Variants in AKTIP observed in about 807,000 individuals in gnomAD.
AKTIP encodes AKT-interacting protein.
AKTIP carries 16 observed loss-of-function variants against 39.1 expected under a neutral mutation model. The ratio of observed to expected loss-of-function variants is 0.41; its 90% CI spans 0.28 to 0.62. AKTIP has a LOEUF of 0.62. Among genes scored for constraint, AKTIP ranks in the 20% least tolerant of loss-of-function variants. AKTIP has a pLI of 0.32. For synonymous variants in AKTIP, 93 were observed against 124.3 expected, an observed-to-expected ratio of 0.75 and a Z score of 1.67; for missense variants, 262 against 356.6, an observed-to-expected ratio of 0.73 and a Z score of 2.14.
At chr16:53,503,717 C>A (rs1384848506), upstream of AKTIP, among the ~76,000 whole-genome samples, 1 of 152,206 alleles carries the variant, frequency 6.6e-6, no homozygotes, top group Non-Finnish European at 1.5e-5. Context: ...CCAGTGGCTC[C>A]CATCGCTAGG....
intron 3 of AKTIP, among the ~76,000 whole-genome samples, chr16:53,497,519 A>G (rs1297448986): frequency 6.6e-6 from 1 of 152,174 alleles, no homozygotes; most frequent in African/African-American, 2.4e-5. Context: ...AGTTCCTTCA[A>G]CTGTGGATCC....
At position 53,491,233 on chromosome 16, in the gene AKTIP, T is replaced by TTATC. The variant is rs1961428673; in HGVS notation, c.*1175_*1178dup. ...TATGACCTCTTCCTTTAGGAGGGAG[T>TTATC]TATCTAAAAGAAATGTCTATTAAGG... is the stretch of plus-strand genomic sequence containing the variant. On this transcript the variant is annotated 3_prime_UTR_variant, in exon 10 of 10. Transcript: ENST00000394657. The TTATC allele has an allele frequency of 6.6e-6, 1 of 152,120 alleles. No homozygotes were observed. The highest frequency in any genetic ancestry group is 6.5e-5 in the Admixed American group (1 of 15,268). The allele number at this position is 152,120 out of a possible 1,614,324, so 9.4% of individuals were successfully genotyped here.
At chr16:53,494,712 T>C in intron 5 of AKTIP, 107 bp from the exon 6 acceptor site, 1 of 1,136,150 alleles carries the variant, frequency 8.8e-7, no homozygotes, top group African/African-American at 1.6e-5. Flanking sequence ...GTCACGTTAT[T>C]TAAAGCTAAA....
upstream of AKTIP, chr16:53,503,257 C>G (rs1962297508): frequency 2.7e-5 from 1 of 37,248 alleles, no homozygotes; most frequent in Admixed American, 2.3e-4. Flanking sequence ...CCGCCCCACC[C>G]CGCCCTGCCC....
chr16:53,495,200 G>T, intron 4 of AKTIP, 27 bp from the exon 5 acceptor site: 2 of 1,612,394 alleles, frequency 1.2e-6, no homozygotes, highest in African/African-American at 1.3e-5. Flanking sequence ...AAGAGTTAAG[G>T]CCTAAATTTG....
At chr16:53,492,841 T>A in intron 8 of AKTIP, 88 bp from the exon 9 acceptor site, 1 of 1,088,520 alleles carries the variant, frequency 9.2e-7, no homozygotes, top group Non-Finnish European at 1.4e-6. Context: ...CCAATTCCCC[T>A]AACTTAATAA....
chr16:53,492,872 T>C (rs752581934), intron 8 of AKTIP, 119 bp from the exon 9 acceptor site: 3 of 797,016 alleles, frequency 3.8e-6, no homozygotes, highest in Non-Finnish European at 6.2e-6. Context: ...TTTTTATTGT[T>C]GTCGACATGT....
At chr16:53,500,931 A>C (rs1294253495) in intron 1 of AKTIP, among the ~76,000 whole-genome samples, 1 of 152,204 alleles carries the variant, frequency 6.6e-6, no homozygotes, top group African/African-American at 2.4e-5. Context: ...TGGTGCCAGA[A>C]ATTCAGAAGA....
chr16:53,498,436 G>A lies in AKTIP; in HGVS notation c.203C>T (p.Ala68Val), dbSNP rs778254783. 8.1e-6 allele frequency: 13 copies of A among 1,613,794 alleles called. No homozygotes were observed. Among genetic ancestry groups the A allele is most frequent in the South Asian group, 2.2e-5 (2 of 91,064 alleles). ...PAAQSTNGTH[A>V]SYGPFYLEYS... ...TTCCAGGTAGAAGGGTCCATAGGAC[G>A]CATGCGTGCCATTTGTTGACTGTGC... Residue 68 changes from alanine to valine, a missense_variant, in exon 3 of 10, where the codon GCG (alanine) becomes GTG (valine). Coordinates refer to ENST00000394657, the MANE Select transcript of AKTIP (RefSeq NM_022476.4).
intron 8 of AKTIP, chr16:53,493,521 G>A (rs1961629293): frequency 1.3e-5 from 2 of 153,700 alleles, no homozygotes; most frequent in Non-Finnish European, 2.9e-5. Context: ...TGGTCAGGCT[G>A]GTCTTGAACT....
chr16:53,494,010 T>A (rs951339860), intron 8 of AKTIP, 128 bp downstream of exon 8: 1 of 688,886 alleles, frequency 1.5e-6, no homozygotes, highest in Admixed American at 2.8e-5. Context: ...GGCACCAAGT[T>A]ATAAAGGTTG....
chr16:53,493,121 G>A (rs903635235), intron 8 of AKTIP: 8 of 202,506 alleles, frequency 4.0e-5, no homozygotes, highest in Non-Finnish European at 8.2e-5. Context: ...CCAGGCTGGA[G>A]TGCAGTGGTG....
chr16:53,494,678 TAA>T, intron 5 of AKTIP, 73 bp from the exon 6 acceptor site: 1 of 1,415,222 alleles, frequency 7.1e-7, no homozygotes, highest in East Asian at 2.4e-5. Flanking sequence ...GGAATCGTGA[TAA>T]AAAGAGCTTC....
chr16:53,491,714 T>G lies in AKTIP; in HGVS notation c.*698A>C, dbSNP rs1331741255. 6.5e-6 allele frequency: 1 copy of G among 152,682 alleles called. No individual in the cohort carries two copies. The highest frequency in any genetic ancestry group is 2.4e-5 in the African/African-American group (1 of 41,476). 9.5% of individuals were successfully genotyped at this position (152,682 alleles called of 1,614,324 possible). A position where few individuals can be genotyped will look rare whatever the true frequency, so the allele number is the denominator to read the frequency against. On this transcript the variant is annotated 3_prime_UTR_variant, in exon 10 of 10. Coordinates refer to ENST00000394657, the MANE Select transcript of AKTIP (RefSeq NM_022476.4). Reference sequence around the variant, plus strand: ...ATAAATGGCAAAGAACAATCATTTATTGGTTTATTTTGTCTCTACTAAACA... The same window carrying G: ...ATAAATGGCAAAGAACAATCATTTAGTGGTTTATTTTGTCTCTACTAAACA...
At position 53,492,259 on chromosome 16, in the gene AKTIP, C is replaced by T. The variant is rs1047086788; in HGVS notation, c.*153G>A. The stretch of plus-strand genomic sequence containing the variant: ...CATTACTTAGAGACAGGTTTCCAAA[C>T]CCTGCTGTTAGAACCTATGCATACA... On this transcript the variant is annotated 3_prime_UTR_variant, in exon 10 of 10. Coordinates refer to ENST00000394657, the MANE Select transcript of AKTIP (RefSeq NM_022476.4). 9.3e-6 allele frequency: 6 copies of T among 644,444 alleles called. No homozygotes were observed. Among genetic ancestry groups the T allele is most frequent in the Non-Finnish European group, 1.3e-5 (5 of 376,848 alleles). 39.9% of individuals were successfully genotyped at this position (644,444 alleles called of 1,614,324 possible). A position where few individuals can be genotyped will look rare whatever the true frequency, so the allele number is the denominator to read the frequency against.
chr16:53,498,838 T>C lies in AKTIP; in HGVS notation c.43-242A>G, dbSNP rs145725410. Among the ~76,000 whole-genome samples, 687 of 152,292 alleles carry C rather than the reference T, an allele frequency of 4.5e-3. 2 individuals are homozygous for C. Among genetic ancestry groups the C allele is most frequent in the African/African-American group, 0.016 (666 of 41,552 alleles). On this transcript the variant is annotated intron_variant, in intron 2 of 9. Transcript: ENST00000394657. Reference sequence around the variant, plus strand: ...AGGGAAACTCATCCTATAAGGATGATACAATCAGTGTGTACAGGATTAACT... The same window carrying C: ...AGGGAAACTCATCCTATAAGGATGACACAATCAGTGTGTACAGGATTAACT...
Position 53,498,489 on chromosome 16 carries a change from T to C in AKTIP, c.150A>G (p.Ile50Met). 1 of 1,614,040 alleles carries C rather than the reference T, an allele frequency of 6.2e-7. No homozygotes were observed. Among genetic ancestry groups the C allele is most frequent in the Non-Finnish European group, 8.5e-7 (1 of 1,179,896 alleles). The change falls in exon 3 of 10, where the codon ATA (isoleucine) becomes ATG (methionine). Residue 50 changes from isoleucine (I) to methionine (M), a missense_variant. Ile to Met is a conservative substitution (Grantham distance 10, BLOSUM62 1). This residue lies in a region of AKTIP where 88 missense variants were observed against 132.1 expected (regional missense o/e 0.67). Transcript: ENST00000394657. ...LPSIPKNALPITKPTSPAPAA... is the reference protein window; with the variant it reads ...LPSIPKNALPMTKPTSPAPAA... Reference sequence around the variant, plus strand: ...CTGGGGCAGGAGATGTAGGCTTAGTTATGGGCAAAGCATTTTTGGGAATAG... The same window carrying C: ...CTGGGGCAGGAGATGTAGGCTTAGTCATGGGCAAAGCATTTTTGGGAATAG...
At chr16:53,492,567 G>A (rs765290545) in intron 9 of AKTIP, 48 bp from the exon 10 acceptor site, 13 of 1,606,798 alleles carry the variant, frequency 8.1e-6, no homozygotes, top group Non-Finnish European at 1.1e-5. Context: ...CTGGTGAGGA[G>A]ATTTCAGCAC....
chr16:53,503,928 C>G (rs1026412919), upstream of AKTIP, among the ~76,000 whole-genome samples: 25 of 151,454 alleles, frequency 1.7e-4, no homozygotes, highest in African/African-American at 5.6e-4. Flanking sequence ...CTTTGTAAAT[C>G]TGTGTGTGTC....
Sources: allele counts gnomAD v4.1 joint callset (sites outside exome capture counted in the v4.1 genomes callset), GRCh38; gene constraint gnomAD v4.1.1; regional missense constraint gnomAD v4.1.1; transcripts MANE v1.5; gene names NCBI Gene and HGNC (gene_info 2026-07-23, HGNC 2026-07-21).